Variants in SYT16 observed in about 807,000 individuals in gnomAD.
The protein encoded by SYT16 is synaptotagmin 16, also known as synaptotagmin-16.
SYT16 carries 42 observed loss-of-function variants against 61.4 expected under a neutral mutation model. That is an observed-to-expected ratio of 0.68 (90% CI 0.53 to 0.89). The LOEUF (loss-of-function observed/expected upper bound fraction) is 0.89, where lower values mean the gene tolerates loss of function less well. SYT16 is among the 40% of genes least tolerant of loss of function. SYT16 has a pLI of 0.00. For missense variants in SYT16, 804 were observed against 807.3 expected (o/e 1.00, Z 0.05); for synonymous variants, 314 against 302.3 (o/e 1.04, Z -0.40).
At chr14:61,981,839 A>C (rs1004019155) in intron 2 of SYT16, among the ~76,000 whole-genome samples, 1 of 152,176 alleles carries the variant, frequency 6.6e-6, no homozygotes, top group Non-Finnish European at 1.5e-5. Context: ...ATAAGGGTGC[A>C]TGGTGAGTTT....
chr14:62,043,653 T>G (rs1026541353), intron 3 of SYT16, among the ~76,000 whole-genome samples: 2 of 152,110 alleles, frequency 1.3e-5, no homozygotes, highest in Non-Finnish European at 2.9e-5. Context: ...GTGATCCACC[T>G]GCCTTGGCCT....
intron 3 of SYT16, among the ~76,000 whole-genome samples, chr14:62,018,785 C>G (rs999243592): frequency 1.3e-5 from 2 of 152,160 alleles, no homozygotes; most frequent in East Asian, 3.9e-4. Flanking sequence ...GTACCTCCCT[C>G]CACTCTCCAC....
intron 3 of SYT16, among the ~76,000 whole-genome samples, chr14:62,008,471 T>G (rs1286327812): frequency 6.6e-6 from 1 of 152,084 alleles, no homozygotes; most frequent in Non-Finnish European, 1.5e-5. Flanking sequence ...GATCTTAACA[T>G]TTTGTCATAT....
At chr14:61,812,628 G>GGGCGCGGGGCGGCGCGGGGCGGCGC (rs2045301898), upstream of SYT16, 1 of 147,042 alleles carries the variant, frequency 6.8e-6, no homozygotes, top group Non-Finnish European at 1.5e-5. Flanking sequence ...GGCGGCTGCT[G>GGGCGCGGGGCGGCGCGGGGCGGCGC]GGCGCGGGGC....
At chr14:61,819,000 G>A (rs2045531977) in intron 1 of SYT16, among the ~76,000 whole-genome samples, 1 of 152,180 alleles carries the variant, frequency 6.6e-6, no homozygotes, top group South Asian at 2.1e-4. Flanking sequence ...GAGTAAATCA[G>A]CATAAATAAT....
chr14:62,084,896 A>G (rs557825928), intron 7 of SYT16, among the ~76,000 whole-genome samples: 1 of 152,348 alleles, frequency 6.6e-6, no homozygotes, highest in South Asian at 2.1e-4. Context: ...TTTAAATGAA[A>G]TGATTTATTT....
intron 1 of SYT16, among the ~76,000 whole-genome samples, chr14:61,829,164 G>C (rs2045860114): frequency 6.6e-6 from 1 of 152,102 alleles, no homozygotes; most frequent in Non-Finnish European, 1.5e-5. Context: ...TAGTAGACTT[G>C]TTGGCATTCT....
At chr14:62,016,006 A>G (rs1459316772) in intron 3 of SYT16, among the ~76,000 whole-genome samples, 1 of 152,156 alleles carries the variant, frequency 6.6e-6, no homozygotes, top group East Asian at 1.9e-4. Context: ...CTCTGGTTGC[A>G]CAGGTGTGGC....
intron 3 of SYT16, among the ~76,000 whole-genome samples, chr14:62,019,497 A>G (rs901424372): frequency 5.9e-5 from 9 of 152,198 alleles, no homozygotes; most frequent in African/African-American, 1.9e-4. Flanking sequence ...GGATAATGGT[A>G]TCTAGTTAGA....
chr14:61,958,055 T>C (rs1379162765), intron 1 of SYT16, among the ~76,000 whole-genome samples: 1 of 151,878 alleles, frequency 6.6e-6, no homozygotes, highest in Non-Finnish European at 1.5e-5. Context: ...CCATTTCTTC[T>C]AAGTTGTCTA....
chr14:61,967,988 C>A (rs779691181), intron 1 of SYT16, among the ~76,000 whole-genome samples: 2 of 151,960 alleles, frequency 1.3e-5, no homozygotes, highest in Non-Finnish European at 2.9e-5. Flanking sequence ...AGGCTGGGTG[C>A]GGTGGCTCAT....
chr14:62,028,202 C>T (rs1264177860), intron 3 of SYT16, among the ~76,000 whole-genome samples: 1 of 152,126 alleles, frequency 6.6e-6, no homozygotes, highest in Admixed American at 6.6e-5. Context: ...GATTGTCTTG[C>T]AATGGTTTGA....
intron 3 of SYT16, among the ~76,000 whole-genome samples, chr14:62,054,360 G>GTTGTTTTTTTTTT (rs1411904235): frequency 6.8e-5 from 8 of 118,294 alleles, no homozygotes; most frequent in Admixed American, 1.8e-4. Context: ...AGTGAAGTGA[G>GTTGTTTTTTTTTT]TTTTTTTTTT....
In SYT16 at chr14:61,995,992, G is replaced by A. The variant is rs770860567; in HGVS notation, c.-28G>A. 3.2e-6 allele frequency: 5 copies of A among 1,542,334 alleles called. No homozygotes were observed. In the East Asian group the frequency reaches 1.1e-4, roughly 35 times the overall value. On this transcript the variant is annotated 5_prime_UTR_variant, in exon 3 of 8. Transcript: ENST00000683842. The stretch of plus-strand genomic sequence containing the variant: ...AGAGCACTGAAGGAACTGAACAACT[G>A]GACACTGTAGACATCAGATAGCTGG...
chr14:62,036,869 G>A (rs763414554), intron 3 of SYT16, among the ~76,000 whole-genome samples: 1 of 152,154 alleles, frequency 6.6e-6, no homozygotes, highest in Non-Finnish European at 1.5e-5. Flanking sequence ...ACCATATACT[G>A]AGCAAGTGCT....
At chr14:61,832,287 A>C (rs17099248) in intron 1 of SYT16, 71,235 of 592,644 alleles carry the variant, frequency 0.12, 4,848 homozygotes, top group African/African-American at 0.23. Context: ...ATCGCTCTTC[A>C]CAACATTTCC....
At chr14:61,849,901 C>T (rs766788838) in intron 1 of SYT16, among the ~76,000 whole-genome samples, 2 of 152,152 alleles carry the variant, frequency 1.3e-5, no homozygotes, top group Non-Finnish European at 2.9e-5. Context: ...CTTGTGCTGC[C>T]TCCACTTCCA....
Position 62,084,317 on chromosome 14 carries a change from C to A in SYT16, c.1556C>A (p.Thr519Lys). 1 of 1,613,472 alleles carries A rather than the reference C, an allele frequency of 6.2e-7. No homozygotes were observed. Among genetic ancestry groups the A allele is most frequent in the Non-Finnish European group, 8.5e-7 (1 of 1,179,796 alleles). The change falls in exon 7 of 8, where the codon ACG becomes AAG. Residue 519 changes from threonine to lysine, a missense_variant. Transcript: ENST00000683842. ...LLVGLSYNATTGRLSVEMIKG... is the reference protein window; with the variant it reads ...LLVGLSYNATKGRLSVEMIKG... ...GTGGGGCTCTCGTACAATGCCACAA[C>A]GGGGCGATTATCTGTGGAAATGATC...
At chr14:61,891,330 C>T (rs1377502779) in intron 1 of SYT16, among the ~76,000 whole-genome samples, 1 of 148,468 alleles carries the variant, frequency 6.7e-6, no homozygotes, top group African/African-American at 2.5e-5. Flanking sequence ...TTTTTTTTTT[C>T]CCCTTGCAAA....
Sources: gnomAD v4.1 joint callset for allele counts (sites outside exome capture counted in the v4.1 genomes callset) on GRCh38, gnomAD v4.1.1 for gene constraint, MANE v1.5 for transcripts, NCBI Gene and HGNC (gene_info 2026-07-23, HGNC 2026-07-21) for gene names.